EHBP1: variants seen among roughly 807,000 people sequenced by gnomAD.
EHBP1 encodes the protein EH domain-binding protein 1.
A neutral mutation model predicts 144.0 loss-of-function variants in EHBP1; 55 were observed. That is an observed-to-expected ratio of 0.38 (90% CI 0.31 to 0.48). The LOEUF is 0.48. EHBP1 is among the 20% of genes least tolerant of loss of function. EHBP1 has a pLI of 0.98. For missense variants in EHBP1, 1,200 were observed against 1,364.2 expected (o/e 0.88, Z 1.90); for synonymous variants, 469 against 472.7 (o/e 0.99, Z 0.10).
chr2:62,848,802 G>A (rs1259937295), intron 7 of EHBP1, among the ~76,000 whole-genome samples: 1 of 152,192 alleles, frequency 6.6e-6, no homozygotes, highest in Non-Finnish European at 1.5e-5. Context: ...GAGAACTTTG[G>A]AAGATGTTGC....
intron 10 of EHBP1, among the ~76,000 whole-genome samples, chr2:62,931,572 C>T (rs1164021729): frequency 6.6e-6 from 1 of 152,174 alleles, no homozygotes; most frequent in African/African-American, 2.4e-5. Flanking sequence ...TTTGTGGCTT[C>T]AGTTTCTGAA....
At chr2:63,015,569 C>T (rs2060453837) in intron 19 of EHBP1, among the ~76,000 whole-genome samples, 1 of 151,824 alleles carries the variant, frequency 6.6e-6, no homozygotes, top group African/African-American at 2.4e-5. Context: ...CTGGACTGGG[C>T]CTCCTGGGTT....
chr2:62,724,012 T>C (rs1331138506), intron 2 of EHBP1, among the ~76,000 whole-genome samples: 1 of 152,238 alleles, frequency 6.6e-6, no homozygotes, highest in African/African-American at 2.4e-5. Flanking sequence ...ATTTGAATGT[T>C]GGCCTCTCTA....
At position 63,036,221 on chromosome 2, in the gene EHBP1, A is replaced by C. The variant is rs572262459; in HGVS notation, c.3104-1314A>C. On this transcript the variant is annotated intron_variant, in intron 19 of 22. Coordinates refer to ENST00000431489, the MANE Select transcript of EHBP1 (RefSeq NM_001142616.3). Reference sequence around the variant, plus strand: ...TTATGGTATGCTCATAATTTATGCAAGCACTATAAAGAATGAGATAGATAT... The same window carrying C: ...TTATGGTATGCTCATAATTTATGCACGCACTATAAAGAATGAGATAGATAT... 2.6e-5 allele frequency among the ~76,000 whole-genome samples: 4 copies of C among 152,196 alleles called. No individual in the cohort carries two copies. In the South Asian group the frequency reaches 8.3e-4, roughly 32 times the overall value.
intron 9 of EHBP1, among the ~76,000 whole-genome samples, chr2:62,873,412 G>C (rs1332729926): frequency 6.6e-6 from 1 of 152,136 alleles, no homozygotes; most frequent in African/African-American, 2.4e-5. Context: ...GATCAGAGAT[G>C]TGAGAGAGTT....
chr2:62,886,800 T>TC (rs1558858280), intron 10 of EHBP1, among the ~76,000 whole-genome samples: 1 of 152,216 alleles, frequency 6.6e-6, no homozygotes, highest in Non-Finnish European at 1.5e-5. Flanking sequence ...CTTCAGTGTG[T>TC]CTGACTTTAG....
chr2:62,823,473 C>T (rs2046131148), intron 5 of EHBP1, among the ~76,000 whole-genome samples: 1 of 152,114 alleles, frequency 6.6e-6, no homozygotes, highest in African/African-American at 2.4e-5. Context: ...TAAACTCTCT[C>T]TCTCTCCCTG....
intron 10 of EHBP1, among the ~76,000 whole-genome samples, chr2:62,906,629 A>G (rs1316533972): frequency 1.5e-4 from 23 of 152,218 alleles, no homozygotes; most frequent in Admixed American, 1.5e-3. Flanking sequence ...AAATAATACA[A>G]AGAGATCCCA....
intron 15 of EHBP1, among the ~76,000 whole-genome samples, chr2:62,982,830 C>T (rs1024836014): frequency 6.6e-6 from 1 of 152,138 alleles, no homozygotes. Flanking sequence ...CAACCAGCCT[C>T]GGTGAGAAAA....
intron 10 of EHBP1, among the ~76,000 whole-genome samples, chr2:62,923,190 C>T (rs2055221711): frequency 6.6e-6 from 1 of 152,178 alleles, no homozygotes; most frequent in Non-Finnish European, 1.5e-5. Flanking sequence ...AACACCACAA[C>T]CTCAGCAATA....
chr2:62,808,876 C>T (rs1022671948), intron 5 of EHBP1, among the ~76,000 whole-genome samples: 8 of 152,134 alleles, frequency 5.3e-5, no homozygotes, highest in Non-Finnish European at 1.0e-4. Context: ...TCCCTTCTTA[C>T]GTGGGGCAGG....
intron 10 of EHBP1, among the ~76,000 whole-genome samples, chr2:62,885,378 A>G (rs1683338457): frequency 6.6e-6 from 1 of 152,348 alleles, no homozygotes; most frequent in Admixed American, 6.5e-5. Context: ...TTTGTAAAAT[A>G]AGAAAACCAC....
At chr2:62,806,065 G>C (rs1170811357) in intron 5 of EHBP1, among the ~76,000 whole-genome samples, 1 of 151,154 alleles carries the variant, frequency 6.6e-6, no homozygotes. Context: ...CTGCAGCCTC[G>C]ACCTCCTGGG....
At chr2:63,020,047 C>T (rs545989520) in intron 19 of EHBP1, among the ~76,000 whole-genome samples, 7 of 150,906 alleles carry the variant, frequency 4.6e-5, no homozygotes, top group Non-Finnish European at 7.4e-5. Context: ...AAATTAAGGC[C>T]GGGCGAGGTG....
intron 2 of EHBP1, among the ~76,000 whole-genome samples, chr2:62,729,319 TTATAA>T (rs1322223413): frequency 9.3e-5 from 12 of 128,628 alleles, no homozygotes; most frequent in South Asian, 2.2e-4. Flanking sequence ...AATATAATAT[TTATAA>T]TATAATATAA....
At chr2:62,839,676 C>G (rs1463854348) in intron 7 of EHBP1, among the ~76,000 whole-genome samples, 14 of 151,894 alleles carry the variant, frequency 9.2e-5, no homozygotes, top group South Asian at 2.1e-4. Context: ...ACAAAAATCA[C>G]AAGCATTCTT....
At chr2:62,757,426 C>CTTTTTTTTTTTT (rs555494268) in intron 3 of EHBP1, among the ~76,000 whole-genome samples, 162 of 113,010 alleles carry the variant, frequency 1.4e-3, no homozygotes, top group African/African-American at 2.5e-3. Flanking sequence ...TTTTTTTTTT[C>CTTTTTTTTTTTT]TTTTTTTTTT....
chr2:62,750,074 A>G (rs913467267), intron 3 of EHBP1, among the ~76,000 whole-genome samples: 12 of 152,158 alleles, frequency 7.9e-5, no homozygotes, highest in Admixed American at 7.2e-4. Flanking sequence ...TGTGTCTTGA[A>G]TGGTATTGCC....
At chr2:62,786,996 G>A (rs1245493358) in intron 5 of EHBP1, among the ~76,000 whole-genome samples, 1 of 152,138 alleles carries the variant, frequency 6.6e-6, no homozygotes, top group African/African-American at 2.4e-5. Flanking sequence ...TTGTTAGACC[G>A]CAGGCATGGC....
Sources: allele counts gnomAD v4.1 joint callset (sites outside exome capture counted in the v4.1 genomes callset), GRCh38; gene constraint gnomAD v4.1.1; transcripts MANE v1.5; gene names NCBI Gene and HGNC (gene_info 2026-07-23, HGNC 2026-07-21).